The following NRF1 variants were observed in gnomAD, a reference collection of about 807,000 sequenced individuals.
NRF1 encodes nuclear respiratory factor 1.
In NRF1, 5 loss-of-function variants were observed where a neutral mutation model predicts 58.5. That is an observed-to-expected ratio of 0.09 (90% CI 0.04 to 0.18). The LOEUF is 0.18. Among genes scored for constraint, NRF1 ranks in the 10% least tolerant of loss-of-function variants. The pLI is 1.00. For missense variants in NRF1, 288 were observed against 657.7 expected, an observed-to-expected ratio of 0.44 and a Z score of 6.15; for synonymous variants, 224 against 246.7, an observed-to-expected ratio of 0.91 and a Z score of 0.86.
intron 8 of NRF1, among the ~76,000 whole-genome samples, chr7:129,716,174 G>A (rs1275821935): frequency 6.6e-6 from 1 of 152,082 alleles, no homozygotes; most frequent in African/African-American, 2.4e-5. Context: ...TTTTAGAGGA[G>A]GGAGTAGAAA....
At chr7:129,619,421 T>C (rs1306639813) in intron 1 of NRF1, among the ~76,000 whole-genome samples, 38 of 95,792 alleles carry the variant, frequency 4.0e-4, no homozygotes, top group South Asian at 3.5e-3. Context: ...TATATATATA[T>C]ATATATATAT....
chr7:129,678,007 C>A (rs558362013), intron 4 of NRF1, among the ~76,000 whole-genome samples: 1 of 123,884 alleles, frequency 8.1e-6, no homozygotes, highest in African/African-American at 2.9e-5. Context: ...GGGGAGGGGG[C>A]GGGGAAACAA....
In NRF1 at chr7:129,692,411, G is replaced by A. The variant is rs187046909; in HGVS notation, c.606+1865G>A. ...ACAAAAAATACAAAAATTAGCTGGG[G>A]CCATGGTGGTGTATGCATGTAGTCT... is the stretch of plus-strand genomic sequence containing the variant. On this transcript the variant is annotated intron_variant, in intron 5 of 10. Coordinates refer to ENST00000393232, the MANE Select transcript of NRF1 (RefSeq NM_005011.5). Among the ~76,000 whole-genome samples, 460 of 152,076 alleles carry A rather than the reference G, an allele frequency of 3.0e-3. 1 individual carries two copies. The highest frequency in any genetic ancestry group is 0.011 in the African/African-American group (436 of 41,468).
chr7:129,637,074 A>G (rs577047825), intron 1 of NRF1, among the ~76,000 whole-genome samples: 41 of 152,286 alleles, frequency 2.7e-4, no homozygotes, highest in Non-Finnish European at 4.6e-4. Context: ...TCCCAACTGT[A>G]CAGTGAAATA....
At chr7:129,622,274 C>G (rs990057327) in intron 1 of NRF1, among the ~76,000 whole-genome samples, 1 of 152,042 alleles carries the variant, frequency 6.6e-6, no homozygotes, top group South Asian at 2.1e-4. Flanking sequence ...ACAATTATGG[C>G]CCTAATGACT....
At chr7:129,743,451 ACT>A (rs762106816) in intron 10 of NRF1, among the ~76,000 whole-genome samples, 2 of 152,052 alleles carry the variant, frequency 1.3e-5, no homozygotes, top group Non-Finnish European at 2.9e-5. Context: ...ATTTTCAGCA[ACT>A]CTTGGGACCA....
At chr7:129,639,440 A>G (rs982139388) in intron 1 of NRF1, among the ~76,000 whole-genome samples, 3 of 152,182 alleles carry the variant, frequency 2.0e-5, no homozygotes, top group African/African-American at 4.8e-5. Flanking sequence ...TACCTTTTAA[A>G]ATTCAACTTA....
chr7:129,752,653 AC>A (rs1562994535), intron 10 of NRF1, among the ~76,000 whole-genome samples: 2 of 152,182 alleles, frequency 1.3e-5, no homozygotes, highest in Non-Finnish European at 2.9e-5. Context: ...GGAGTTCAAG[AC>A]CAACCTGGGC....
intron 8 of NRF1, 21 bp from the exon 9 acceptor site, chr7:129,717,198 A>G (rs1363129410): frequency 3.2e-6 from 5 of 1,578,606 alleles, no homozygotes; most frequent in African/African-American, 2.7e-5. Context: ...TTTTTTTACT[A>G]TCTTGTCCTT....
At chr7:129,661,941 G>T (rs1386711104) in intron 2 of NRF1, among the ~76,000 whole-genome samples, 5 of 150,726 alleles carry the variant, frequency 3.3e-5, no homozygotes, top group African/African-American at 1.2e-4. Context: ...GATCTATGTG[G>T]CTGGGGAGGC....
chr7:129,732,639 G>A (rs765344073), intron 10 of NRF1, among the ~76,000 whole-genome samples: 1 of 151,832 alleles, frequency 6.6e-6, no homozygotes, highest in Non-Finnish European at 1.5e-5. Context: ...TTTCACTCTT[G>A]TTGTCCAGGC....
At chr7:129,624,893 C>T (rs1048596499) in intron 1 of NRF1, among the ~76,000 whole-genome samples, 1 of 152,090 alleles carries the variant, frequency 6.6e-6, no homozygotes, top group African/African-American at 2.4e-5. Context: ...GTTTACATAT[C>T]CCTAGATCCT....
chr7:129,628,457 G>C (rs1464778839), intron 1 of NRF1, among the ~76,000 whole-genome samples: 1 of 151,824 alleles, frequency 6.6e-6, no homozygotes, highest in East Asian at 1.9e-4. Flanking sequence ...AAATAACCCT[G>C]TACATGTTAA....
In NRF1 at chr7:129,690,453, G is replaced by A. The variant is rs1211161959; in HGVS notation, c.513G>A (p.Leu171=). Residue 171 remains leucine (L), a synonymous_variant, in exon 5 of 11, where the codon CTG becomes CTA. Coordinates refer to ENST00000393232, the MANE Select transcript of NRF1 (RefSeq NM_005011.5). ...SMILEDLESA[L]AEHAPAPQEV... is the part of the protein sequence containing the mutation. The stretch of plus-strand genomic sequence containing the variant: ...TCCTGGAAGACCTGGAGTCTGCTCT[G>A]GCAGAACACGCCCCTGCGCCACAGG... 6.2e-7 allele frequency: 1 copy of A among 1,614,078 alleles called. No individual in the cohort carries two copies. Among genetic ancestry groups the A allele is most frequent in the Admixed American group, 1.7e-5 (1 of 60,012 alleles).
At chr7:129,718,257 G>A (rs1034967174) in intron 9 of NRF1, among the ~76,000 whole-genome samples, 3 of 152,166 alleles carry the variant, frequency 2.0e-5, no homozygotes, top group Admixed American at 6.5e-5. Context: ...GAGCCTTGAC[G>A]CCAGACTACT....
At chr7:129,681,138 T>C (rs992513560) in intron 4 of NRF1, among the ~76,000 whole-genome samples, 2 of 152,248 alleles carry the variant, frequency 1.3e-5, no homozygotes, top group African/African-American at 4.8e-5. Context: ...AGTAGATGTG[T>C]TGGTGGAAGC....
intron 1 of NRF1, among the ~76,000 whole-genome samples, chr7:129,632,960 T>TA (rs918687031): frequency 2.0e-5 from 3 of 151,868 alleles, no homozygotes; most frequent in African/African-American, 7.2e-5. Context: ...CCCTTTAATA[T>TA]AAAAGGGACC....
intron 1 of NRF1, among the ~76,000 whole-genome samples, chr7:129,631,411 G>T (rs1170309090): frequency 6.6e-6 from 1 of 151,778 alleles, no homozygotes; most frequent in South Asian, 2.1e-4. Flanking sequence ...GTAGAGATGG[G>T]GTCTCCCTAT....
chr7:129,723,678 A>G (rs1260424884), intron 9 of NRF1, among the ~76,000 whole-genome samples: 1 of 151,874 alleles, frequency 6.6e-6, no homozygotes, highest in Non-Finnish European at 1.5e-5. Flanking sequence ...TCCTTTCCCT[A>G]TTGAATGGTG....
Sources: gnomAD v4.1 joint callset for allele counts (sites outside exome capture counted in the v4.1 genomes callset) on GRCh38, gnomAD v4.1.1 for gene constraint, MANE v1.5 for transcripts, NCBI Gene and HGNC (gene_info 2026-07-23, HGNC 2026-07-21) for gene names.